Variants in HSP90AB1 observed in about 807,000 individuals in gnomAD.
The protein encoded by HSP90AB1 is heat shock protein 90 alpha family class B member 1.
HSP90AB1 carries 17 observed loss-of-function variants against 67.8 expected under a neutral mutation model. The ratio of observed to expected loss-of-function variants is 0.25; its 90% CI spans 0.17 to 0.38. The LOEUF (loss-of-function observed/expected upper bound fraction) is 0.38, where lower values mean the gene tolerates loss of function less well. Among genes scored for constraint, HSP90AB1 ranks in the 10% least tolerant of loss-of-function variants. HSP90AB1 has a pLI of 1.00. For missense variants in HSP90AB1, 690 were observed against 899.9 expected (o/e 0.77, Z 2.98); for synonymous variants, 390 against 312.9 (o/e 1.25, Z -2.60).
chr6:44,251,906 C>T lies in HSP90AB1; in HGVS notation c.1462+22C>T. ...ACTGGTGCGTTGACTCTGATTGAAGCCTTTTTGGAGGAGTGGGGAGCACAA... is the reference window on the plus strand; with the variant it reads ...ACTGGTGCGTTGACTCTGATTGAAGTCTTTTTGGAGGAGTGGGGAGCACAA... On this transcript the variant is annotated intron_variant, in intron 9 of 11. Transcript: ENST00000371646. 6 of 1,613,412 alleles carry T rather than the reference C, an allele frequency of 3.7e-6. No individual in the cohort carries two copies. In the South Asian group the frequency reaches 4.4e-5, roughly 12 times the overall value.
chr6:44,248,828 GA>G (rs769347604), intron 2 of HSP90AB1, 52 bp downstream of exon 2: 3 of 1,536,068 alleles, frequency 2.0e-6, no homozygotes, highest in African/African-American at 1.4e-5. Context: ...TGATACTCTA[GA>G]AGGAGGGGAA....
chr6:44,251,244 G>T (rs367960458), intron 7 of HSP90AB1, 31 bp downstream of exon 7: 9 of 1,612,018 alleles, frequency 5.6e-6, no homozygotes, highest in Non-Finnish European at 5.9e-6. Flanking sequence ...ATTTAGTTGG[G>T]TGAAGTCTTG....
At position 44,253,646 on chromosome 6, in the gene HSP90AB1, A is replaced by T. The variant is rs747863315; in HGVS notation, c.*48A>T. 7 of 1,419,328 alleles carry T rather than the reference A, an allele frequency of 4.9e-6. No individual in the cohort carries two copies. Among genetic ancestry groups the T allele is most frequent in the Non-Finnish European group, 6.0e-6 (6 of 1,002,862 alleles). 87.9% of individuals were successfully genotyped at this position (1,419,328 alleles called of 1,614,324 possible). On this transcript the variant is annotated 3_prime_UTR_variant, in exon 12 of 12. Transcript: ENST00000371646. Reference sequence around the variant, plus strand: ...ACTTGTGCCCTTGTATAGTGTCCCCATGGGCTCCCACTGCAGCCTCGAGTG... The same window carrying T: ...ACTTGTGCCCTTGTATAGTGTCCCCTTGGGCTCCCACTGCAGCCTCGAGTG...
rs61735981 is a variant in HSP90AB1 at position 44,251,080 on chromosome 6, G to A, written c.990G>A (p.Arg330=). ...HFSVEGQLEF[R]ALLFIPRRAP... ...CTGTAGAAGGTCAGTTGGAATTCAG[G>A]GCATTGCTATTTATTCCTCGTCGGG... is the stretch of plus-strand genomic sequence containing the variant. Residue 330 remains arginine, a synonymous_variant, in exon 7 of 12, where the codon AGG becomes AGA. Coordinates refer to ENST00000371646, the MANE Select transcript of HSP90AB1 (RefSeq NM_007355.4). 704 of 1,614,006 alleles carry A rather than the reference G, an allele frequency of 4.4e-4. 3 individuals are homozygous for A. The African/African-American group carries it at 7.6e-3, about 17-fold the overall frequency.
Position 44,253,306 on chromosome 6 carries a change from T to G in HSP90AB1, c.1993T>G (p.Ser665Ala). ...GCTGCTGTTTGAAACCGCCCTGCTA[T>G]CTTCTGGCTTTTCCCTTGAGGATCC... ...VVLLFETALL[S>A]SGFSLEDPQT... The change falls in exon 11 of 12, where the codon TCT becomes GCT. Residue 665 changes from serine to alanine, a missense_variant. This residue lies in a region of HSP90AB1 where 120 missense variants were observed against 153.5 expected (regional missense o/e 0.78). Transcript: ENST00000371646. 2.5e-6 allele frequency: 4 copies of G among 1,614,216 alleles called. No individual in the cohort carries two copies. The highest frequency in any genetic ancestry group is 3.4e-6 in the Non-Finnish European group (4 of 1,180,034).
At chr6:44,251,334 C>A in intron 7 of HSP90AB1, 84 bp from the exon 8 acceptor site, 1 of 1,512,582 alleles carries the variant, frequency 6.6e-7, no homozygotes, top group Non-Finnish European at 9.1e-7. Flanking sequence ...GTTCAGGAGG[C>A]TATTAGAGCC....
intron 10 of HSP90AB1, 67 bp from the exon 11 acceptor site, chr6:44,252,978 C>T: frequency 1.5e-6 from 2 of 1,346,268 alleles, no homozygotes; most frequent in South Asian, 1.3e-5. Context: ...TGGAATTAGG[C>T]TTGACAATGC....
rs190898545 is a variant in HSP90AB1, at chr6:44,247,367, C to T, written c.-1+172C>T. 4.6e-5 allele frequency among the ~76,000 whole-genome samples: 7 copies of T among 151,722 alleles called. No individual in the cohort carries two copies. The East Asian group carries it at 1.4e-3, about 30-fold the overall frequency. ...GGTGGGTGAGGTTTTTTGAGTCCTC[C>T]TCGGTTTTCTCTAGTGTGTTTGGGG... On this transcript the variant is annotated intron_variant, in intron 1 of 11. Transcript: ENST00000371646.
rs1235347289 is a variant in HSP90AB1, at chr6:44,253,279, G to A, written c.1966G>A (p.Val656Met). 11 of 1,614,214 alleles carry A rather than the reference G, an allele frequency of 6.8e-6. No homozygotes were observed. Among genetic ancestry groups the A allele is most frequent in the Non-Finnish European group, 9.3e-6 (11 of 1,180,050 alleles). The change falls in exon 11 of 12, where the codon GTG (valine) becomes ATG (methionine). Residue 656 changes from valine to methionine, a missense_variant. Val to Met is a conservative substitution (Grantham distance 21). Coordinates refer to ENST00000371646, the MANE Select transcript of HSP90AB1 (RefSeq NM_007355.4). ...TGATAAGGCAGTTAAGGACCTGGTGGTGCTGCTGTTTGAAACCGCCCTGCT... is the reference window on the plus strand; with the variant it reads ...TGATAAGGCAGTTAAGGACCTGGTGATGCTGCTGTTTGAAACCGCCCTGCT... ...KNDKAVKDLV[V>M]LLFETALLSS...
In HSP90AB1 at chr6:44,253,880, T is replaced by C. The variant is rs745916072; in HGVS notation, c.*282T>C. The C allele has an allele frequency of 1.5e-5, 10 of 660,798 alleles. No homozygotes were observed. Among genetic ancestry groups the C allele is most frequent in the Non-Finnish European group, 2.9e-5 (10 of 344,278 alleles). The allele number at this position is 660,798 out of a possible 1,614,324, so 40.9% of individuals were successfully genotyped here. A position where few individuals can be genotyped will look rare whatever the true frequency, so the allele number is the denominator to read the frequency against. On this transcript the variant is annotated 3_prime_UTR_variant, in exon 12 of 12. Transcript: ENST00000371646. ...CAAAATAAAGAATATGCCGTTTTTA[T>C]ACAGTTCTGCTTTCCCTTGTGAAGT...
At chr6:44,251,010 T>G in intron 6 of HSP90AB1, 38 bp from the exon 7 acceptor site, 1 of 1,593,866 alleles carries the variant, frequency 6.3e-7, no homozygotes, top group Non-Finnish European at 8.6e-7. Flanking sequence ...TAAAAGGTCC[T>G]CTTTTGAAAT....
At chr6:44,248,862 G>T in intron 2 of HSP90AB1, 86 bp downstream of exon 2, 1 of 1,243,588 alleles carries the variant, frequency 8.0e-7, no homozygotes, top group Non-Finnish European at 1.1e-6. Flanking sequence ...GCCTTTGTTG[G>T]GGACTACTAT....
upstream of HSP90AB1, chr6:44,247,100 T>G (rs1779982082): frequency 6.6e-6 from 1 of 152,202 alleles, no homozygotes; most frequent in Non-Finnish European, 1.5e-5. Context: ...ACGCAGTAGC[T>G]CTCTCGAGTC....
At position 44,249,655 on chromosome 6, in the gene HSP90AB1, GACTTTAA is replaced by G. The variant is rs1355608141; in HGVS notation, c.355-15_355-9del. ...TTTTGCTTCTTTAAAACTTGTGATTGACTTTAAACTTGTTGGCAGGCTGGTGCAGACA... is the reference window on the plus strand; with the variant it reads ...TTTTGCTTCTTTAAAACTTGTGATTGACTTGTTGGCAGGCTGGTGCAGACA... On this transcript the variant is annotated splice_polypyrimidine_tract_variant and intron_variant, in intron 3 of 11. Transcript: ENST00000371646. 1 of 1,611,380 alleles carries G rather than the reference GACTTTAA, an allele frequency of 6.2e-7. No individual in the cohort carries two copies. Among genetic ancestry groups the G allele is most frequent in the African/African-American group, 1.3e-5 (1 of 74,778 alleles).
In HSP90AB1 at chr6:44,251,085, T is replaced by C; in HGVS notation, c.995T>C (p.Leu332Ser). 2 of 1,614,138 alleles carry C rather than the reference T, an allele frequency of 1.2e-6. No homozygotes were observed. Among genetic ancestry groups the C allele is most frequent in the Non-Finnish European group, 1.7e-6 (2 of 1,179,984 alleles). Residue 332 changes from leucine to serine, a missense_variant, in exon 7 of 12, where the codon TTG (leucine) becomes TCG (serine). This residue lies in a region of HSP90AB1 where 101 missense variants were observed against 174.8 expected (regional missense o/e 0.58). Coordinates refer to ENST00000371646, the MANE Select transcript of HSP90AB1 (RefSeq NM_007355.4). ...SVEGQLEFRA[L>S]LFIPRRAPFD... ...GAAGGTCAGTTGGAATTCAGGGCAT[T>C]GCTATTTATTCCTCGTCGGGCTCCC... is the stretch of plus-strand genomic sequence containing the variant.
intron 10 of HSP90AB1, among the ~76,000 whole-genome samples, chr6:44,252,487 A>G (rs1000200257): frequency 6.6e-6 from 1 of 151,076 alleles, no homozygotes; most frequent in Admixed American, 6.6e-5. Flanking sequence ...ATAAAATACC[A>G]TCATTTTCTT....
Position 44,250,047 on chromosome 6 carries a change from G to A in HSP90AB1, c.541G>A (p.Val181Met). The A allele has an allele frequency of 6.2e-7, 1 of 1,614,188 alleles. No homozygotes were observed. Among genetic ancestry groups the A allele is most frequent in the East Asian group, 2.2e-5 (1 of 44,888 alleles). ...TGAGCCCATTGGCAGGGGTACCAAAGTGATCCTCCATCTTAAAGAAGATCA... is the reference window on the plus strand; with the variant it reads ...TGAGCCCATTGGCAGGGGTACCAAAATGATCCTCCATCTTAAAGAAGATCA... ...HGEPIGRGTK[V>M]ILHLKEDQTE... The change falls in exon 5 of 12, where the codon GTG (valine) becomes ATG (methionine). Residue 181 changes from valine (V) to methionine (M), a missense_variant. Val to Met is a conservative substitution (Grantham distance 21). Transcript: ENST00000371646.
At position 44,251,990 on chromosome 6, in the gene HSP90AB1, A is replaced by G. The variant is rs1474238394; in HGVS notation, c.1463-9A>G. ...TTTTAGTCACTGAGTTCATTTAATT[A>G]CCCTACAGGTGAGAGCAAAGAGCAG... On this transcript the variant is annotated splice_polypyrimidine_tract_variant and intron_variant, in intron 9 of 11. Coordinates refer to ENST00000371646, the MANE Select transcript of HSP90AB1 (RefSeq NM_007355.4). The G allele has an allele frequency of 6.2e-7, 1 of 1,614,016 alleles. No individual in the cohort carries two copies. Among genetic ancestry groups the G allele is most frequent in the South Asian group, 1.1e-5 (1 of 91,078 alleles).
At position 44,248,878 on chromosome 6, in the gene HSP90AB1, G is replaced by A. The variant is rs1201260405; in HGVS notation, c.147+102G>A. 9 of 1,022,830 alleles carry A rather than the reference G, an allele frequency of 8.8e-6. No individual in the cohort carries two copies. In the East Asian group the frequency reaches 1.7e-4, roughly 19 times the overall value. The allele number at this position is 1,022,830 out of a possible 1,614,324, so 63.4% of individuals were successfully genotyped here. A position where few individuals can be genotyped will look rare whatever the true frequency, so the allele number is the denominator to read the frequency against. ...CCTTTGTTGGGGACTACTATTGAAG[G>A]GGGTAAACTTGCAGCTATTCCAAAA... is the stretch of plus-strand genomic sequence containing the variant. On this transcript the variant is annotated intron_variant, in intron 2 of 11. Coordinates refer to ENST00000371646, the MANE Select transcript of HSP90AB1 (RefSeq NM_007355.4).
Sources: gnomAD v4.1 joint callset for allele counts (sites outside exome capture counted in the v4.1 genomes callset) on GRCh38, gnomAD v4.1.1 for gene constraint, gnomAD v4.1.1 regional missense constraint, MANE v1.5 for transcripts, NCBI Gene and HGNC (gene_info 2026-07-23, HGNC 2026-07-21) for gene names.